Variants in CSMD1 observed in about 807,000 individuals in gnomAD.
CSMD1 encodes CUB and sushi domain-containing protein 1.
A neutral mutation model predicts 417.5 loss-of-function variants in CSMD1; 213 were observed. The ratio of observed to expected loss-of-function variants is 0.51; its 90% CI spans 0.46 to 0.57. The LOEUF is 0.57. Ranked by LOEUF, CSMD1 falls within the 20% of genes least tolerant of loss-of-function variation. CSMD1 has a pLI of 0.00. For synonymous variants in CSMD1, 2,862 were observed against 1,736.8 expected, an observed-to-expected ratio of 1.65 and a Z score of -16.11; for missense variants, 6,923 against 4,529.7, an observed-to-expected ratio of 1.53 and a Z score of -15.17.
Position 4,438,898 on chromosome 8 carries a change from G to A in CSMD1, c.303-18833C>T, listed in dbSNP as rs558216660. ...AAGCATTAGATTACCAAAGACCAAC[G>A]GAGTTTAAGTATGCATAAGTAACAA... On this transcript the variant is annotated intron_variant, in intron 2 of 69. Transcript: ENST00000635120. Among the ~76,000 whole-genome samples, 12 of 152,262 alleles carry A rather than the reference G, an allele frequency of 7.9e-5. No homozygotes were observed. In the South Asian group the frequency reaches 8.3e-4, roughly 11 times the overall value.
intron 5 of CSMD1, among the ~76,000 whole-genome samples, chr8:3,925,321 G>C (rs1809574756): frequency 6.6e-6 from 1 of 152,120 alleles, no homozygotes. Context: ...AAGTACTTGT[G>C]CATTTATATA....
At chr8:4,202,868 A>T (rs1799740533) in intron 3 of CSMD1, among the ~76,000 whole-genome samples, 1 of 152,174 alleles carries the variant, frequency 6.6e-6, no homozygotes, top group South Asian at 2.1e-4. Context: ...GGTACCTGAG[A>T]AATAGAGGGT....
intron 6 of CSMD1, among the ~76,000 whole-genome samples, chr8:3,739,510 T>G (rs911915492): frequency 3.3e-5 from 5 of 152,336 alleles, no homozygotes; most frequent in East Asian, 1.9e-4. Context: ...CTCTCTGTAT[T>G]CCACAAATAT....
intron 1 of CSMD1, among the ~76,000 whole-genome samples, chr8:4,803,012 G>T (rs117901626): frequency 6.6e-6 from 1 of 152,090 alleles, no homozygotes; most frequent in Non-Finnish European, 1.5e-5. Flanking sequence ...AAAGTCACCA[G>T]ATATCATTTG....
chr8:3,994,556 G>A (rs1482478035), intron 5 of CSMD1, among the ~76,000 whole-genome samples: 1 of 151,208 alleles, frequency 6.6e-6, no homozygotes, highest in South Asian at 2.1e-4. Flanking sequence ...AACTCAAAAT[G>A]GCAACTCTCT....
chr8:4,739,041 A>T (rs1295445077), intron 1 of CSMD1, among the ~76,000 whole-genome samples: 1 of 148,728 alleles, frequency 6.7e-6, no homozygotes, highest in Non-Finnish European at 1.5e-5. Flanking sequence ...ATGTAGTGTG[A>T]GTAACTGATA....
intron 2 of CSMD1, among the ~76,000 whole-genome samples, chr8:4,448,888 C>G (rs1798969711): frequency 6.6e-6 from 1 of 152,192 alleles, no homozygotes; most frequent in Admixed American, 6.5e-5. Context: ...ACCAAGTAAA[C>G]ACACACATGC....
chr8:2,940,398 C>T (rs1214929197), intron 69 of CSMD1, among the ~76,000 whole-genome samples: 5 of 152,156 alleles, frequency 3.3e-5, no homozygotes, highest in Non-Finnish European at 7.4e-5. Flanking sequence ...ACATGCAGGG[C>T]AGCCTCTTGG....
intron 1 of CSMD1, among the ~76,000 whole-genome samples, chr8:4,642,791 T>C (rs887267937): frequency 6.6e-6 from 1 of 152,208 alleles, no homozygotes; most frequent in African/African-American, 2.4e-5. Flanking sequence ...GGAATGGTTT[T>C]GCTATTCAAA....
At chr8:3,348,354 G>C (rs1362514352) in intron 21 of CSMD1, among the ~76,000 whole-genome samples, 193 bp from the exon 22 acceptor site, 1 of 151,986 alleles carries the variant, frequency 6.6e-6, no homozygotes, top group Non-Finnish European at 1.5e-5. Flanking sequence ...ACCCCACCTA[G>C]CTCATTTTGA....
chr8:4,146,629 T>A (rs1319817361), intron 3 of CSMD1, among the ~76,000 whole-genome samples: 3 of 92,160 alleles, frequency 3.3e-5, no homozygotes, highest in Non-Finnish European at 5.8e-5. Context: ...TTTTTTTTTT[T>A]GAGACAGAGT....
At chr8:4,360,964 T>A (rs530910857) in intron 3 of CSMD1, among the ~76,000 whole-genome samples, 1 of 152,202 alleles carries the variant, frequency 6.6e-6, no homozygotes, top group Non-Finnish European at 1.5e-5. Flanking sequence ...TGAGGAATAC[T>A]TGACTGACAG....
chr8:3,585,437 A>G (rs1202309726), intron 9 of CSMD1, among the ~76,000 whole-genome samples: 7 of 152,226 alleles, frequency 4.6e-5, no homozygotes. Context: ...ATTCAAAAAC[A>G]AAACCTCCAA....
At chr8:4,019,432 A>G (rs1796678361) in intron 4 of CSMD1, among the ~76,000 whole-genome samples, 1 of 147,112 alleles carries the variant, frequency 6.8e-6, no homozygotes, top group South Asian at 2.3e-4. Flanking sequence ...TCATGTACCT[A>G]AAAGGAAGGG....
intron 1 of CSMD1, among the ~76,000 whole-genome samples, chr8:4,783,050 G>A (rs1032870498): frequency 2.6e-5 from 4 of 151,612 alleles, no homozygotes; most frequent in Non-Finnish European, 4.4e-5. Context: ...TATAAACACT[G>A]ACCTCTTTCA....
At chr8:3,993,953 G>C (rs565942007) in intron 5 of CSMD1, among the ~76,000 whole-genome samples, 1 of 152,278 alleles carries the variant, frequency 6.6e-6, no homozygotes, top group African/African-American at 2.4e-5. Context: ...AAAACGCCCA[G>C]TAACATAAAG....
chr8:4,034,695 A>G (rs1250982120), intron 3 of CSMD1, among the ~76,000 whole-genome samples: 4 of 152,170 alleles, frequency 2.6e-5, no homozygotes, highest in Non-Finnish European at 5.9e-5. Flanking sequence ...AAAAGTAAAC[A>G]TGTGGACAAA....
chr8:3,830,923 A>C (rs1802339523), intron 5 of CSMD1, among the ~76,000 whole-genome samples: 1 of 152,076 alleles, frequency 6.6e-6, no homozygotes, highest in African/African-American at 2.4e-5. Flanking sequence ...CTCTCACCTA[A>C]AATTATTTCT....
chr8:3,996,049 A>G (rs537290947), intron 5 of CSMD1, among the ~76,000 whole-genome samples: 3 of 152,176 alleles, frequency 2.0e-5, no homozygotes, highest in South Asian at 2.1e-4. Context: ...AAGTGCTACA[A>G]TGGTCCCATC....
Sources: allele counts gnomAD v4.1 joint callset (sites outside exome capture counted in the v4.1 genomes callset), GRCh38; gene constraint gnomAD v4.1.1; transcripts MANE v1.5; gene names NCBI Gene and HGNC (gene_info 2026-07-23, HGNC 2026-07-21).